LRTM3: variants seen among roughly 807,000 people sequenced by gnomAD.
LRTM3 encodes leucine rich repeat transmembrane protein 3, also known as leucine-rich repeat transmembrane protein 3.
At chr13:102,730,625 CTGA>C in the LRTM3 span, 1 of 1,552,046 alleles carries the variant, frequency 6.4e-7, no homozygotes, top group South Asian at 1.2e-5. Context: ...TGGGAATTTT[CTGA>C]TGAGTGATGA....
the LRTM3 span, chr13:102,732,034 A>G: frequency 6.4e-7 from 1 of 1,551,340 alleles, no homozygotes; most frequent in Non-Finnish European, 8.7e-7. Flanking sequence ...ATTTGACATT[A>G]GGAAGTTTCT....
At chr13:102,737,002 A>ATCCAGT in the LRTM3 span, 1 of 1,550,990 alleles carries the variant, frequency 6.4e-7, no homozygotes, top group East Asian at 2.4e-5. Flanking sequence ...TCAGAAACAC[A>ATCCAGT]TCCAGTTCAC....
At chr13:102,729,803 G>A in the LRTM3 span, 2 of 1,551,810 alleles carry the variant, frequency 1.3e-6, no homozygotes, top group East Asian at 4.9e-5. Context: ...TTTGCTGTGT[G>A]TACAACTGTA....
the LRTM3 span, chr13:102,746,342 A>G: frequency 6.4e-7 from 1 of 1,550,802 alleles, no homozygotes; most frequent in South Asian, 1.2e-5. Context: ...GTCATGGGAT[A>G]TGCTATTCTT....
At chr13:102,743,558 T>A in the LRTM3 span, 3 of 1,549,660 alleles carry the variant, frequency 1.9e-6, no homozygotes, top group African/African-American at 1.4e-5. Flanking sequence ...TTCTGATAAC[T>A]GTATTGTGTT....
chr13:102,736,985 G>T, the LRTM3 span: 1 of 1,551,058 alleles, frequency 6.4e-7, no homozygotes, highest in East Asian at 2.4e-5. Flanking sequence ...AGATAGAGAA[G>T]GTATTGTCAG....
chr13:102,757,467 T>C, the LRTM3 span, among the ~76,000 whole-genome samples: 2 of 152,354 alleles, frequency 1.3e-5, no homozygotes, highest in South Asian at 2.1e-4. Context: ...TAACATGGTA[T>C]AGAAAGCCGT....
the LRTM3 span, chr13:102,734,075 T>C: frequency 1.7e-5 from 27 of 1,551,348 alleles, no homozygotes; most frequent in Non-Finnish European, 2.4e-5. Context: ...TTCATCTTTA[T>C]CTTTGTGTAC....
At chr13:102,730,923 C>A in the LRTM3 span, 1 of 1,551,238 alleles carries the variant, frequency 6.4e-7, no homozygotes, top group Non-Finnish European at 8.7e-7. Flanking sequence ...CCTGTGAAAC[C>A]AGGATGAATA....
At chr13:102,736,174 A>G in the LRTM3 span, 2 of 1,546,748 alleles carry the variant, frequency 1.3e-6, no homozygotes, top group Non-Finnish European at 1.7e-6. Context: ...TTGGTTGTGA[A>G]GGAGAGAATC....
the LRTM3 span, chr13:102,739,611 C>A: frequency 6.4e-7 from 1 of 1,550,464 alleles, no homozygotes; most frequent in Non-Finnish European, 8.7e-7. Context: ...AAAGGAAATT[C>A]CTTTATACTG....
the LRTM3 span, chr13:102,758,900 C>A: frequency 1.3e-5 from 20 of 1,544,260 alleles, no homozygotes; most frequent in Non-Finnish European, 1.8e-5. Flanking sequence ...CACTCCCTAC[C>A]CCTTTTTTAA....
the LRTM3 span, chr13:102,744,824 C>A: frequency 1.9e-6 from 3 of 1,550,756 alleles, no homozygotes; most frequent in Middle Eastern, 1.7e-4. Flanking sequence ...TGCCTCCCCA[C>A]CATGTGGTGA....
chr13:102,731,199 C>T, the LRTM3 span: 14 of 1,551,414 alleles, frequency 9.0e-6, no homozygotes, highest in African/African-American at 8.2e-5. Context: ...GAAACATCAA[C>T]AATCAGTGTC....
At chr13:102,748,371 T>G in the LRTM3 span, 39 of 1,550,940 alleles carry the variant, frequency 2.5e-5, no homozygotes, top group Non-Finnish European at 3.4e-5. Flanking sequence ...TTATGCATTT[T>G]GCTTCCTGGG....
the LRTM3 span, chr13:102,736,152 A>G: frequency 6.5e-7 from 1 of 1,544,858 alleles, no homozygotes; most frequent in African/African-American, 1.4e-5. Flanking sequence ...GCACCTGATG[A>G]TATAGGAAGC....
At chr13:102,742,138 A>T in the LRTM3 span, 1 of 1,550,492 alleles carries the variant, frequency 6.4e-7, no homozygotes, top group Non-Finnish European at 8.7e-7. Context: ...ATCCAGAGTC[A>T]TAAACAGCCT....
the LRTM3 span, among the ~76,000 whole-genome samples, chr13:102,755,703 A>T: frequency 2.0e-5 from 3 of 151,546 alleles, no homozygotes; most frequent in African/African-American, 7.3e-5. Flanking sequence ...GGTGCAGTAA[A>T]CCACCATGGC....
the LRTM3 span, chr13:102,738,472 A>G: frequency 1.9e-6 from 3 of 1,550,604 alleles, no homozygotes; most frequent in Admixed American, 3.9e-5. Context: ...CACCTTTAAT[A>G]TGTTCTATCC....
Sources: gnomAD v4.1 joint callset for allele counts (sites outside exome capture counted in the v4.1 genomes callset) on GRCh38, gnomAD v4.1.1 for gene constraint, MANE v1.5 for transcripts, NCBI Gene and HGNC (gene_info 2026-07-23, HGNC 2026-07-21) for gene names.